The following TMC4 variants were observed in gnomAD, a reference collection of about 807,000 sequenced individuals.
TMC4 encodes the protein voltage-gated chloride channel TMC4.
In TMC4, 70 loss-of-function variants were observed where a neutral mutation model predicts 82.0. That is an observed-to-expected ratio of 0.85 (90% CI 0.70 to 1.04). The LOEUF (loss-of-function observed/expected upper bound fraction) is 1.04. Among genes scored for constraint, TMC4 ranks in the 50% least tolerant of loss-of-function variants. The pLI, the probability that TMC4 is intolerant of heterozygous loss-of-function variation, is 0.00. For synonymous variants in TMC4, 446 were observed against 406.0 expected (o/e 1.10, Z -1.18); for missense variants, 879 against 899.0 (o/e 0.98, Z 0.28).
At chr19:54,162,466 G>A (rs1235397817) in intron 10 of TMC4, among the ~76,000 whole-genome samples, 181 bp from the exon 11 acceptor site, 2 of 151,242 alleles carry the variant, frequency 1.3e-5, no homozygotes, top group Non-Finnish European at 2.9e-5. Context: ...AGGACTAGAA[G>A]GGACCCAGAT....
intron 2 of TMC4, among the ~76,000 whole-genome samples, chr19:54,171,444 A>G (rs55875401): frequency 0.019 from 2,930 of 152,274 alleles, 92 homozygotes; most frequent in African/African-American, 0.066. Context: ...CTGCATTTTC[A>G]TTGTTCACCA....
chr19:54,164,723 G>A, intron 6 of TMC4, 122 bp from the exon 7 acceptor site: 5 of 1,301,852 alleles, frequency 3.8e-6, no homozygotes, highest in Non-Finnish European at 5.3e-6. Flanking sequence ...CTCCCCACCC[G>A]CTAACAACCT....
intron 2 of TMC4, among the ~76,000 whole-genome samples, chr19:54,171,165 A>T (rs564140643): frequency 1.6e-5 from 1 of 60,612 alleles, no homozygotes; most frequent in Non-Finnish European, 3.5e-5. Flanking sequence ...CCGGAGTCCA[A>T]TGGCACGATC....
At chr19:54,168,073 A>C in intron 5 of TMC4, 98 bp downstream of exon 5, 1 of 1,394,356 alleles carries the variant, frequency 7.2e-7, no homozygotes, top group African/African-American at 1.5e-5. Flanking sequence ...CAAAAAAAAA[A>C]AGACTGAGGA....
intron 5 of TMC4, among the ~76,000 whole-genome samples, chr19:54,166,568 C>T (rs2075710725): frequency 6.6e-6 from 1 of 152,174 alleles, no homozygotes; most frequent in Admixed American, 6.5e-5. Flanking sequence ...AATCCATTCT[C>T]AGTTCTTGAG....
chr19:54,161,885 C>T (rs1259519878), intron 11 of TMC4, among the ~76,000 whole-genome samples: 1 of 152,078 alleles, frequency 6.6e-6, no homozygotes, highest in Non-Finnish European at 1.5e-5. Flanking sequence ...TGAGCCCCTT[C>T]CTCATCTAGG....
In TMC4 at chr19:54,171,104, C is replaced by CATATATATATGCATATATGCGT. The variant is rs911108789; in HGVS notation, c.293+765_293+766insACGCATATATGCATATATATAT. Among the ~76,000 whole-genome samples the CATATATATATGCATATATGCGT allele has an allele frequency of 1.4e-4, 5 of 35,812 alleles. No individual in the cohort carries two copies. The East Asian group carries it at 8.8e-3, about 63-fold the overall frequency. The allele number at this position is 35,812 out of a possible 152,430, so 23.5% of individuals were successfully genotyped here. On this transcript the variant is annotated intron_variant, in intron 2 of 14. Coordinates refer to ENST00000619895, the MANE Select transcript of TMC4 (RefSeq NM_144686.4). ...ATGTGTATATATATACACACATATG[C>CATATATATATGCATATATGCGT]ATATATATACGCATATATATTTGAG... is the stretch of plus-strand genomic sequence containing the variant.
Position 54,161,266 on chromosome 19 carries a change from G to T in TMC4, c.1687-6C>A. On this transcript the variant is annotated splice_polypyrimidine_tract_variant and splice_region_variant and intron_variant, in intron 11 of 14. Transcript: ENST00000619895. Reference sequence around the variant, plus strand: ...CAGGTGGAGAAGAGGGTAAGCTGGTGGGGGAAGGCACGGAGAAAAGGGCTC... The same window carrying T: ...CAGGTGGAGAAGAGGGTAAGCTGGTTGGGGAAGGCACGGAGAAAAGGGCTC... 5 of 1,518,006 alleles carry T rather than the reference G, an allele frequency of 3.3e-6. No homozygotes were observed. Among genetic ancestry groups the T allele is most frequent in the Non-Finnish European group, 4.4e-6 (5 of 1,133,990 alleles). The allele number at this position is 1,518,006 out of a possible 1,614,324, so 94.0% of individuals were successfully genotyped here. A position where few individuals can be genotyped will look rare whatever the true frequency, so the allele number is the denominator to read the frequency against.
At chr19:54,162,343 C>G in intron 10 of TMC4, 58 bp from the exon 11 acceptor site, 1 of 1,303,262 alleles carries the variant, frequency 7.7e-7, no homozygotes. Flanking sequence ...GGAGTTTCCA[C>G]GCCTCCACCG....
At chr19:54,169,012 T>A (rs112232767) in intron 3 of TMC4, among the ~76,000 whole-genome samples, 937 of 4,486 alleles carry the variant, frequency 0.21, 293 homozygotes, top group East Asian at 0.66. Flanking sequence ...ATATATATAT[T>A]TTTTTTTTTT....
chr19:54,173,146 C>T lies in TMC4; in HGVS notation c.-29G>A, dbSNP rs753702360. On this transcript the variant is annotated 5_prime_UTR_variant, in exon 1 of 15. Transcript: ENST00000619895. ...CCCAGGCTGGGCTGTCTCTAGTGGC[C>T]ACCAGGCAGACACTGCCCCAGGTAA... The T allele has an allele frequency of 6.8e-6, 11 of 1,609,014 alleles. No homozygotes were observed. The highest frequency in any genetic ancestry group is 6.7e-5 in the Admixed American group (4 of 59,688).
Position 54,168,520 on chromosome 19 carries a change from G to T in TMC4, c.603C>A (p.Cys201Ter). 1 of 1,549,654 alleles carries T rather than the reference G, an allele frequency of 6.5e-7. No individual in the cohort carries two copies. The highest frequency in any genetic ancestry group is 8.7e-7 in the Non-Finnish European group (1 of 1,147,174). Residue 201 changes from cysteine (C) to a stop codon, truncating the protein, a stop_gained, in exon 4 of 15, where the codon TGC becomes TGA. Coordinates refer to ENST00000619895, the MANE Select transcript of TMC4 (RefSeq NM_144686.4). LOFTEE classifies it high-confidence loss of function. ...GPPGPDISSP[C>*]GSYNPHSQGL... ...CCTGGGAGTGGGGGTTATAGGAGCCGCAGGGCGAGGAGATGTCGGGGCCGG... is the reference window on the plus strand; with the variant it reads ...CCTGGGAGTGGGGGTTATAGGAGCCTCAGGGCGAGGAGATGTCGGGGCCGG...
In TMC4 at chr19:54,161,148, A is replaced by G; in HGVS notation, c.1799T>C (p.Leu600Pro). ...CACTTACAGGAAGATGCTGTAAAGC[A>G]GGGGAACGCTGGAGATGGCCAGACC... ...LLGLAISSVP[L>P]LYSIFLIPPS... Residue 600 changes from leucine to proline, a missense_variant, in exon 12 of 15, where the codon CTG (leucine) becomes CCG (proline). By Grantham distance (98) the Leu-to-Pro change is moderately conservative. Transcript: ENST00000619895. 1.3e-6 allele frequency: 2 copies of G among 1,586,626 alleles called. No homozygotes were observed. The highest frequency in any genetic ancestry group is 1.9e-5 in the Admixed American group (1 of 52,640).
At chr19:54,166,245 G>A (rs150978768) in intron 5 of TMC4, among the ~76,000 whole-genome samples, 33 of 151,452 alleles carry the variant, frequency 2.2e-4, no homozygotes, top group African/African-American at 7.8e-4. Flanking sequence ...CAGGCGTGGT[G>A]GTGCATGCCT....
intron 8 of TMC4, 53 bp from the exon 9 acceptor site, chr19:54,163,212 A>AGTTCCCT: frequency 6.2e-7 from 1 of 1,606,946 alleles, no homozygotes; most frequent in Non-Finnish European, 8.5e-7. Context: ...ACCATGTGGC[A>AGTTCCCT]GTTCCCTTCT....
In TMC4 at chr19:54,160,356, A is replaced by G; in HGVS notation, c.2071T>C (p.Phe691Leu). ...AGCGCCACAGCGCGCCGTGCCAGGAAGACTTTATTCTGCGCCTCCTGGGGC... is the reference window on the plus strand; with the variant it reads ...AGCGCCACAGCGCGCCGTGCCAGGAGGACTTTATTCTGCGCCTCCTGGGGC... ...QRETEAQNKVFLARRAVALTS... is the reference protein window; with the variant it reads ...QRETEAQNKVLLARRAVALTS... Residue 691 changes from phenylalanine to leucine, a missense_variant, in exon 15 of 15, where the codon TTC becomes CTC. Phe to Leu is a conservative substitution (Grantham distance 22, BLOSUM62 0). Coordinates refer to ENST00000619895, the MANE Select transcript of TMC4 (RefSeq NM_144686.4). 1 of 1,529,796 alleles carries G rather than the reference A, an allele frequency of 6.5e-7. No homozygotes were observed. The highest frequency in any genetic ancestry group is 8.8e-7 in the Non-Finnish European group (1 of 1,138,528). The allele number at this position is 1,529,796 out of a possible 1,614,324, so 94.8% of individuals were successfully genotyped here.
chr19:54,172,699 G>A (rs189830585), intron 1 of TMC4: 79 of 288,366 alleles, frequency 2.7e-4, no homozygotes, highest in African/African-American at 1.5e-3. Flanking sequence ...ATCCCCAAGC[G>A]TGGAACCCTC....
In TMC4 at chr19:54,164,437, C is replaced by G. The variant is rs753284818; in HGVS notation, c.1110G>C (p.Leu370=). The G allele has an allele frequency of 4.3e-6, 7 of 1,609,710 alleles. No individual in the cohort carries two copies. The highest frequency in any genetic ancestry group is 5.9e-6 in the Non-Finnish European group (7 of 1,177,250). Residue 370 remains leucine (L), a synonymous_variant, in exon 7 of 15, where the codon CTG becomes CTC. Coordinates refer to ENST00000619895, the MANE Select transcript of TMC4 (RefSeq NM_144686.4). ...CCTCTTCCAAGACCGTCCGCACCTG[C>G]AGCTCCACGGTGCACCCCGTAGCCC... ...VYWATGCTVE[L]QEMPLVQELP...
intron 5 of TMC4, among the ~76,000 whole-genome samples, chr19:54,167,534 G>A (rs75589816): frequency 3.3e-5 from 5 of 151,492 alleles, no homozygotes; most frequent in African/African-American, 7.3e-5. Flanking sequence ...ACTCCAGCCT[G>A]GGCGACAGAG....
Sources: allele counts gnomAD v4.1 joint callset (sites outside exome capture counted in the v4.1 genomes callset), GRCh38; gene constraint gnomAD v4.1.1; transcripts MANE v1.5; gene names NCBI Gene and HGNC (gene_info 2026-07-23, HGNC 2026-07-21).